Variants in LSAMP observed in about 807,000 individuals in gnomAD.
The protein encoded by LSAMP is limbic system associated membrane protein.
A neutral mutation model predicts 38.6 loss-of-function variants in LSAMP; 7 were observed. The ratio of observed to expected loss-of-function variants is 0.18; its 90% CI spans 0.10 to 0.34. The LOEUF (loss-of-function observed/expected upper bound fraction) is 0.34, where lower values mean the gene tolerates loss of function less well. Among genes scored for constraint, LSAMP ranks in the 10% least tolerant of loss-of-function variants. The pLI, the probability that LSAMP is intolerant of heterozygous loss-of-function variation, is 1.00. For missense variants in LSAMP, 313 were observed against 420.0 expected (o/e 0.75, Z 2.23); for synonymous variants, 154 against 166.8 (o/e 0.92, Z 0.59).
rs1315518838 is a variant in LSAMP, at chr3:115,950,788, C to T, written c.514+68727G>A. On this transcript the variant is annotated intron_variant, in intron 3 of 6. Coordinates refer to ENST00000490035, the MANE Select transcript of LSAMP (RefSeq NM_002338.5). ...CAAAAAACAGCTCACATAACCAAAG[C>T]AAGACTTAGCAAAAAAAAAAAAAAA... Among the ~76,000 whole-genome samples, 3 of 33,812 alleles carry T rather than the reference C, an allele frequency of 8.9e-5. No homozygotes were observed. The East Asian group carries it at 3.3e-3, about 37-fold the overall frequency. 22.2% of individuals were successfully genotyped at this position (33,812 alleles called of 152,430 possible). A position where few individuals can be genotyped will look rare whatever the true frequency, so the allele number is the denominator to read the frequency against.
intron 1 of LSAMP, among the ~76,000 whole-genome samples, chr3:116,286,578 C>A (rs568346770): frequency 1.3e-5 from 2 of 152,066 alleles, no homozygotes; most frequent in Non-Finnish European, 2.9e-5. Context: ...CTCTAACTCA[C>A]CCTCCTCCAG....
At chr3:115,870,538 C>T (rs1367052127) in intron 3 of LSAMP, among the ~76,000 whole-genome samples, 1 of 152,126 alleles carries the variant, frequency 6.6e-6, no homozygotes, top group Non-Finnish European at 1.5e-5. Context: ...AAGGAAGATT[C>T]TCAGGCTTAC....
At chr3:115,861,930 T>C (rs1437019186) in intron 3 of LSAMP, among the ~76,000 whole-genome samples, 2 of 152,202 alleles carry the variant, frequency 1.3e-5, no homozygotes, top group African/African-American at 2.4e-5. Context: ...GCACCCATTC[T>C]CCTACTTCAT....
chr3:115,879,565 C>A (rs1374193626), intron 3 of LSAMP, among the ~76,000 whole-genome samples: 1 of 152,088 alleles, frequency 6.6e-6, no homozygotes, highest in East Asian at 1.9e-4. Flanking sequence ...ATCAAGAAAA[C>A]ATATCATTAG....
intron 1 of LSAMP, among the ~76,000 whole-genome samples, chr3:116,091,619 C>A (rs139369780): frequency 0.027 from 4,117 of 152,294 alleles, 78 homozygotes; most frequent in Non-Finnish European, 0.04. Flanking sequence ...CAGCCGGTCC[C>A]TCCGTTTGGG....
intron 1 of LSAMP, among the ~76,000 whole-genome samples, chr3:116,248,519 G>A (rs1430070313): frequency 6.7e-6 from 1 of 149,270 alleles, no homozygotes; most frequent in East Asian, 1.9e-4. Flanking sequence ...GTGTGTGTGT[G>A]TGTGTGTGTG....
At chr3:116,268,695 T>TAAACAATTTTTTTCTATTTTTC (rs1553719295) in intron 1 of LSAMP, among the ~76,000 whole-genome samples, 1 of 151,558 alleles carries the variant, frequency 6.6e-6, no homozygotes, top group Admixed American at 6.6e-5. Context: ...TTTTTTCTAT[T>TAAACAATTTTTTTCTATTTTTC]TTTCTTTCTT....
intron 3 of LSAMP, among the ~76,000 whole-genome samples, chr3:115,982,442 A>C (rs574095346): frequency 2.0e-5 from 3 of 152,178 alleles, no homozygotes; most frequent in Non-Finnish European, 4.4e-5. Flanking sequence ...CTTTATTTAA[A>C]TATGTATTTA....
chr3:116,204,593 G>A (rs1175126572), intron 1 of LSAMP, among the ~76,000 whole-genome samples: 1 of 151,886 alleles, frequency 6.6e-6, no homozygotes, highest in Non-Finnish European at 1.5e-5. Context: ...GTGTAAGGAA[G>A]GGATCCAGTT....
chr3:115,820,247 T>C (rs2107464104), intron 6 of LSAMP, among the ~76,000 whole-genome samples: 1 of 152,348 alleles, frequency 6.6e-6, no homozygotes, highest in African/African-American at 2.4e-5. Context: ...ACCTGGAACC[T>C]ATGATTTTTA....
At chr3:116,196,610 A>C (rs143586432) in intron 1 of LSAMP, among the ~76,000 whole-genome samples, 1 of 152,316 alleles carries the variant, frequency 6.6e-6, no homozygotes, top group Non-Finnish European at 1.5e-5. Flanking sequence ...TTTATATGAA[A>C]ACTGTAGGGA....
intron 1 of LSAMP, among the ~76,000 whole-genome samples, chr3:116,414,707 C>T (rs892767322): frequency 6.6e-6 from 1 of 152,130 alleles, no homozygotes; most frequent in African/African-American, 2.4e-5. Flanking sequence ...CTATTTGTCT[C>T]ATGGAATATC....
At chr3:116,166,777 TTTTTTTTTTG>T (rs1293729235) in intron 1 of LSAMP, among the ~76,000 whole-genome samples, 19 of 145,394 alleles carry the variant, frequency 1.3e-4, no homozygotes, top group African/African-American at 4.3e-4. Context: ...AAATTTTTAG[TTTTTTTTTTG>T]TTTTTTTTTT....
chr3:116,222,578 G>C (rs926488578), intron 1 of LSAMP, among the ~76,000 whole-genome samples: 10 of 152,066 alleles, frequency 6.6e-5, no homozygotes, highest in African/African-American at 2.4e-4. Flanking sequence ...TCTGTGAACA[G>C]AAAGTATAGG....
At chr3:116,404,805 G>A (rs910711959) in intron 1 of LSAMP, among the ~76,000 whole-genome samples, 12 of 151,922 alleles carry the variant, frequency 7.9e-5, no homozygotes, top group African/African-American at 2.9e-4. Context: ...GAGAAATATG[G>A]CTCATATTTT....
intron 3 of LSAMP, among the ~76,000 whole-genome samples, chr3:115,859,237 G>A (rs914612444): frequency 6.6e-6 from 1 of 152,100 alleles, no homozygotes; most frequent in African/African-American, 2.4e-5. Context: ...GGTGAAGAGT[G>A]GTAAAATGAT....
At chr3:116,436,426 A>G (rs1279620604) in intron 1 of LSAMP, among the ~76,000 whole-genome samples, 2 of 152,226 alleles carry the variant, frequency 1.3e-5, no homozygotes, top group Non-Finnish European at 2.9e-5. Flanking sequence ...ACAGACTGGG[A>G]GAAAATCTTC....
At chr3:116,060,163 T>C (rs982688651) in intron 2 of LSAMP, among the ~76,000 whole-genome samples, 4 of 151,174 alleles carry the variant, frequency 2.6e-5, no homozygotes, top group Non-Finnish European at 5.9e-5. Context: ...TTTCTCCTCT[T>C]CCCCCTCTCT....
intron 1 of LSAMP, among the ~76,000 whole-genome samples, chr3:116,265,902 C>A (rs12496133): frequency 0.19 from 29,453 of 151,872 alleles, 3,072 homozygotes; most frequent in Admixed American, 0.23. Context: ...AAAAGACATT[C>A]TTTGGATCTT....
Sources: allele counts gnomAD v4.1 joint callset (sites outside exome capture counted in the v4.1 genomes callset), GRCh38; gene constraint gnomAD v4.1.1; transcripts MANE v1.5; gene names NCBI Gene and HGNC (gene_info 2026-07-23, HGNC 2026-07-21).